Variants in KIAA1614 observed in about 807,000 individuals in gnomAD.
KIAA1614 encodes the protein uncharacterized protein KIAA1614.
KIAA1614 carries 76 observed loss-of-function variants against 88.7 expected under a neutral mutation model. The observed-to-expected ratio is 0.86, with a 90% CI of 0.71 to 1.04. The LOEUF is 1.04. Among genes scored for constraint, KIAA1614 ranks in the 50% least tolerant of loss-of-function variants. The pLI is 0.00. For synonymous variants in KIAA1614, 714 were observed against 675.5 expected (o/e 1.06, Z -0.88); for missense variants, 1,553 against 1,582.5 (o/e 0.98, Z 0.32).
chr1:180,939,503 TC>T (rs1222659012), intron 6 of KIAA1614, among the ~76,000 whole-genome samples: 1 of 152,052 alleles, frequency 6.6e-6, no homozygotes, highest in Non-Finnish European at 1.5e-5. Flanking sequence ...CTTCCTTCTC[TC>T]CCACTGTAAC....
In KIAA1614 at chr1:180,916,415, C is replaced by T; in HGVS notation, c.312C>T (p.Cys104=). Residue 104 remains cysteine, a synonymous_variant, in exon 2 of 9, where the codon TGC becomes TGT. Transcript: ENST00000367588. ...MTVAKQGVSP[C]SASQEWSSPK... is the part of the protein sequence containing the mutation. ...TGGCCAAACAGGGAGTGAGTCCCTG[C>T]TCTGCTTCCCAAGAGTGGTCATCCC... The T allele has an allele frequency of 6.2e-7, 1 of 1,614,206 alleles. No individual in the cohort carries two copies. The highest frequency in any genetic ancestry group is 2.2e-5 in the East Asian group (1 of 44,888).
chr1:180,930,661 A>C (rs1399481213), intron 4 of KIAA1614, among the ~76,000 whole-genome samples: 4 of 152,182 alleles, frequency 2.6e-5, no homozygotes, highest in African/African-American at 9.7e-5. Flanking sequence ...CAACAACCCC[A>C]ATCACTAACT....
intron 3 of KIAA1614, 187 bp from the exon 4 acceptor site, chr1:180,928,243 C>A: frequency 1.5e-6 from 1 of 676,708 alleles, no homozygotes; most frequent in East Asian, 3.0e-5. Flanking sequence ...GGCCATTTCC[C>A]AGCCCCAGGC....
At chr1:180,934,766 A>C (rs567450683) in intron 4 of KIAA1614, among the ~76,000 whole-genome samples, 1 of 152,300 alleles carries the variant, frequency 6.6e-6, no homozygotes, top group East Asian at 1.9e-4. Flanking sequence ...ACACACACAC[A>C]CAGACGCCGC....
chr1:180,943,384 C>A (rs1223374454), intron 7 of KIAA1614, among the ~76,000 whole-genome samples: 2 of 151,686 alleles, frequency 1.3e-5, no homozygotes, highest in East Asian at 3.9e-4. Flanking sequence ...TAGCTTGGTT[C>A]CATATCTTTG....
At chr1:180,919,342 C>A (rs1292217360) in intron 3 of KIAA1614, among the ~76,000 whole-genome samples, 2 of 152,212 alleles carry the variant, frequency 1.3e-5, no homozygotes, top group Non-Finnish European at 2.9e-5. Context: ...TCCCCTACCT[C>A]CCTGGCCGCT....
At position 180,945,694 on chromosome 1, in the gene KIAA1614, C is replaced by T. The variant is rs1654576428; in HGVS notation, c.*106C>T. 2 of 1,424,752 alleles carry T rather than the reference C, an allele frequency of 1.4e-6. No homozygotes were observed. The highest frequency in any genetic ancestry group is 1.8e-6 in the Non-Finnish European group (2 of 1,099,320). 88.3% of individuals were successfully genotyped at this position (1,424,752 alleles called of 1,614,324 possible). A position where few individuals can be genotyped will look rare whatever the true frequency, so the allele number is the denominator to read the frequency against. On this transcript the variant is annotated 3_prime_UTR_variant, in exon 9 of 9. Transcript: ENST00000367588. Reference sequence around the variant, plus strand: ...AGGGCTCTCTAGGAGTCTGCACCTGCAGAGCCTTTGCCCTAGGCAACTGCA... The same window carrying T: ...AGGGCTCTCTAGGAGTCTGCACCTGTAGAGCCTTTGCCCTAGGCAACTGCA...
At chr1:180,915,551 A>G (rs563815200) in intron 1 of KIAA1614, among the ~76,000 whole-genome samples, 4 of 152,204 alleles carry the variant, frequency 2.6e-5, no homozygotes, top group African/African-American at 2.4e-5. Context: ...AAACTAGAAC[A>G]CTACTGAGAC....
chr1:180,940,852 C>T (rs903339263), intron 6 of KIAA1614, among the ~76,000 whole-genome samples, 193 bp from the exon 7 acceptor site: 1 of 152,060 alleles, frequency 6.6e-6, no homozygotes, highest in Non-Finnish European at 1.5e-5. Context: ...GCTGGGACCA[C>T]AGACAGGAGC....
chr1:180,941,011 C>G, intron 6 of KIAA1614, 34 bp from the exon 7 acceptor site: 1 of 995,366 alleles, frequency 1.0e-6, no homozygotes, highest in Non-Finnish European at 1.4e-6. Flanking sequence ...TCCCGGCCCT[C>G]CCCCGCCCCC....
Position 180,928,494 on chromosome 1 carries a change from C to T in KIAA1614, c.1126C>T (p.Gln376Ter). 1.2e-6 allele frequency: 2 copies of T among 1,613,198 alleles called. No individual in the cohort carries two copies. The highest frequency in any genetic ancestry group is 1.3e-5 in the African/African-American group (1 of 75,074). ...GCATGAGGAAGCCACGCATCTGCTGCAGCGTGCCCGCATGAAGGCCAGGAC... is the reference window on the plus strand; with the variant it reads ...GCATGAGGAAGCCACGCATCTGCTGTAGCGTGCCCGCATGAAGGCCAGGAC... ...PRHEEATHLL[Q>*]RARMKARTRP... Residue 376 changes from glutamine (Q) to a stop codon, truncating the protein, a stop_gained, in exon 4 of 9, where the codon CAG becomes TAG. Coordinates refer to ENST00000367588, the MANE Select transcript of KIAA1614 (RefSeq NM_020950.2). LOFTEE classifies it high-confidence loss of function.
chr1:180,919,618 G>A (rs1435891229), intron 3 of KIAA1614, among the ~76,000 whole-genome samples: 2 of 152,188 alleles, frequency 1.3e-5, no homozygotes, highest in Admixed American at 6.5e-5. Context: ...AGGGCCCAGT[G>A]GGGAGATGCA....
rs1391156187 is a variant in KIAA1614, at chr1:180,916,386, A to G, written c.283A>G (p.Thr95Ala). 3.1e-6 allele frequency: 5 copies of G among 1,614,088 alleles called. No homozygotes were observed. The highest frequency in any genetic ancestry group is 4.2e-6 in the Non-Finnish European group (5 of 1,180,034). ...SKVRALKEKM[T>A]VAKQGVSPCS... is the part of the protein sequence containing the mutation. The stretch of plus-strand genomic sequence containing the variant: ...GGTGAGGGCTTTGAAGGAGAAGATG[A>G]CAGTGGCCAAACAGGGAGTGAGTCC... The change falls in exon 2 of 9, where the codon ACA (threonine) becomes GCA (alanine). Residue 95 changes from threonine (T) to alanine (A), a missense_variant. Thr to Ala is a moderately conservative substitution (Grantham distance 58). Transcript: ENST00000367588.
rs1558063584 is a variant in KIAA1614, at chr1:180,916,932, A to G, written c.829A>G (p.Arg277Gly). The G allele has an allele frequency of 1.2e-6, 2 of 1,614,200 alleles. No homozygotes were observed. The highest frequency in any genetic ancestry group is 8.5e-7 in the Non-Finnish European group (1 of 1,180,036). ...PRTALLGERW[R>G]AGDLEALGAG... ...GACGGCCCTGCTGGGTGAGCGCTGG[A>G]GAGCTGGAGACCTGGAGGCTCTGGG... The change falls in exon 2 of 9, where the codon AGA becomes GGA. Residue 277 changes from arginine (R) to glycine (G), a missense_variant. Arg to Gly is a moderately radical substitution (Grantham distance 125). Transcript: ENST00000367588.
At chr1:180,918,117 C>T (rs1653861684) in intron 3 of KIAA1614, among the ~76,000 whole-genome samples, 1 of 152,170 alleles carries the variant, frequency 6.6e-6, no homozygotes, top group Non-Finnish European at 1.5e-5. Context: ...GCTGGTGCCT[C>T]CCTGCTACTT....
chr1:180,930,418 C>CA (rs371535531), intron 4 of KIAA1614, among the ~76,000 whole-genome samples: 1,690 of 146,080 alleles, frequency 0.012, 33 homozygotes, highest in African/African-American at 0.04. Context: ...AACTCCATCT[C>CA]AAAAAAAAAA....
chr1:180,940,362 G>C (rs182885940), intron 6 of KIAA1614, among the ~76,000 whole-genome samples: 27 of 152,272 alleles, frequency 1.8e-4, no homozygotes, highest in African/African-American at 6.5e-4. Flanking sequence ...GTAGCCGGGC[G>C]TGGTGGTGTG....
Position 180,936,409 on chromosome 1 carries a change from G to C in KIAA1614, c.2500G>C (p.Gly834Arg). Residue 834 changes from glycine to arginine, a missense_variant, in exon 5 of 9, where the codon GGT becomes CGT. Transcript: ENST00000367588. ...KAALAGLLRL[G>R]DQTEPVGIPR... ...AGCCCTGGCTGGACTGCTCAGGCTG[G>C]GTGACCAGACAGAGCCTGTGGGTAT... is the stretch of plus-strand genomic sequence containing the variant. The C allele has an allele frequency of 6.2e-7, 1 of 1,614,212 alleles. No homozygotes were observed. The highest frequency in any genetic ancestry group is 8.5e-7 in the Non-Finnish European group (1 of 1,180,036).
intron 7 of KIAA1614, among the ~76,000 whole-genome samples, chr1:180,943,139 G>A (rs548577042): frequency 6.6e-6 from 1 of 151,804 alleles, no homozygotes; most frequent in Admixed American, 6.6e-5. Context: ...CAATTTTCCT[G>A]CCTCAGCCTC....
Sources: gnomAD v4.1 joint callset for allele counts (sites outside exome capture counted in the v4.1 genomes callset) on GRCh38, gnomAD v4.1.1 for gene constraint, MANE v1.5 for transcripts, NCBI Gene and HGNC (gene_info 2026-07-23, HGNC 2026-07-21) for gene names.